The following SLC43A2 variants were observed in gnomAD, a reference collection of about 807,000 sequenced individuals.
The protein encoded by SLC43A2 is large neutral amino acids transporter small subunit 4.
In SLC43A2, 38 loss-of-function variants were observed where a neutral mutation model predicts 63.2. The observed-to-expected ratio is 0.60, with a 90% CI of 0.46 to 0.79. The LOEUF (loss-of-function observed/expected upper bound fraction) is 0.79, where lower values mean the gene tolerates loss of function less well. Among genes scored for constraint, SLC43A2 ranks in the 30% least tolerant of loss-of-function variants. SLC43A2 has a pLI of 0.00. For synonymous variants in SLC43A2, 322 were observed against 331.0 expected, an observed-to-expected ratio of 0.97 and a Z score of 0.30; for missense variants, 644 against 756.2, an observed-to-expected ratio of 0.85 and a Z score of 1.74.
chr17:1,615,798 G>C (rs911412694), intron 3 of SLC43A2, among the ~76,000 whole-genome samples: 2 of 146,998 alleles, frequency 1.4e-5, no homozygotes, highest in Non-Finnish European at 1.5e-5. Context: ...AGCCGAGATC[G>C]CGCCGCTGCA....
At position 1,583,563 on chromosome 17, in the gene SLC43A2, G is replaced by A; in HGVS notation, c.1218-227C>T. On this transcript the variant is annotated intron_variant, in intron 10 of 13. Coordinates refer to ENST00000301335, the MANE Select transcript of SLC43A2 (RefSeq NM_152346.3). This position sits in a 1 kb window ranked among gnomAD's most constrained non-coding sequence, Gnocchi z 5.5. ...CTCTCGGAGGGGGTCTCGGGTACAA[G>A]AAGATGGCCATCCATATGCTGCAGT... 2 of 617,712 alleles carry A rather than the reference G, an allele frequency of 3.2e-6. No homozygotes were observed. The highest frequency in any genetic ancestry group is 4.5e-5 in the South Asian group (2 of 44,666). The allele number at this position is 617,712 out of a possible 1,614,324, so 38.3% of individuals were successfully genotyped here.
At chr17:1,586,927 A>AGGC (rs2151038850) in intron 9 of SLC43A2, 8 of 1,355,890 alleles carry the variant, frequency 5.9e-6, no homozygotes, top group Non-Finnish European at 8.1e-6. Flanking sequence ...TTCCCTGACA[A>AGGC]TCCCCCCCAC....
chr17:1,579,959 G>A (rs544408482), intron 11 of SLC43A2, among the ~76,000 whole-genome samples: 1 of 151,194 alleles, frequency 6.6e-6, no homozygotes, highest in South Asian at 2.1e-4. Context: ...TGGAGACAGA[G>A]TCTTGCTGTG....
At position 1,583,231 on chromosome 17, in the gene SLC43A2, G is replaced by C. The variant is rs1252816506; in HGVS notation, c.1323C>G (p.Thr441=). 2 of 1,614,148 alleles carry C rather than the reference G, an allele frequency of 1.2e-6. No individual in the cohort carries two copies. Among genetic ancestry groups the C allele is most frequent in the Admixed American group, 3.3e-5 (2 of 60,026 alleles). The stretch of plus-strand genomic sequence containing the variant: ...GGAGAGGCAGGTTGGGAATGAGGCA[G>C]GTCACCCCAAAGCCCACGAGCAGCA... ...TNLLLVGFGV[T]CLIPNLPLQI... The change falls in exon 11 of 14, where the codon ACC becomes ACG. Residue 441 remains threonine, a synonymous_variant. Coordinates refer to ENST00000301335, the MANE Select transcript of SLC43A2 (RefSeq NM_152346.3). This position sits in a 1 kb window ranked among gnomAD's most constrained non-coding sequence, Gnocchi z 5.5.
intron 5 of SLC43A2, among the ~76,000 whole-genome samples, chr17:1,599,203 G>A (rs1166577933): frequency 6.6e-6 from 1 of 151,914 alleles, no homozygotes; most frequent in Non-Finnish European, 1.5e-5. Context: ...AGCCGGGTGT[G>A]GCGGCGTGCA....
At chr17:1,591,726 G>GGA in intron 6 of SLC43A2, 27 bp from the exon 7 acceptor site, 1 of 1,000,374 alleles carries the variant, frequency 1.0e-6, no homozygotes, top group Non-Finnish European at 1.5e-6. Context: ...GGACGGGGTG[G>GGA]GGGGGGGAGG....
rs2075937176 is a variant in SLC43A2, at chr17:1,576,667, G to A, written c.1478C>T (p.Ala493Val). ...CGGCTGCTGCAGAAGGGCGAAGAGC[G>A]CGCTGATCAGAGACTGCAGTCCCGT... Reference protein sequence around the residue: ...SLTGLQSLISALFALLQQPLF... With the variant: ...SLTGLQSLISVLFALLQQPLF... The change falls in exon 13 of 14, where the codon GCG (alanine) becomes GTG (valine). Residue 493 changes from alanine (A) to valine (V), a missense_variant. Around this residue, in one of 3 missense-constraint regions of SLC43A2, gnomAD observed 105 missense variants for 101.7 expected, o/e 1.03. Coordinates refer to ENST00000301335, the MANE Select transcript of SLC43A2 (RefSeq NM_152346.3). 1.9e-6 allele frequency: 3 copies of A among 1,611,014 alleles called. No homozygotes were observed. The highest frequency in any genetic ancestry group is 2.5e-6 in the Non-Finnish European group (3 of 1,179,996).
intron 11 of SLC43A2, among the ~76,000 whole-genome samples, chr17:1,580,637 C>T (rs2075997707): frequency 6.6e-6 from 1 of 152,064 alleles, no homozygotes; most frequent in South Asian, 2.1e-4. Context: ...TCTCGGCTCA[C>T]TGCAACCTCT....
In SLC43A2 at chr17:1,594,847, C is replaced by T. The variant is rs375235238; in HGVS notation, c.502-1568G>A. On this transcript the variant is annotated intron_variant, in intron 5 of 13. Transcript: ENST00000301335. The stretch of plus-strand genomic sequence containing the variant: ...TCGTGATCCGCCCGCCTTGGCCTCC[C>T]AAAGTGCTGGGATTACAGGCGTGAG... Among the ~76,000 whole-genome samples, 5 of 151,962 alleles carry T rather than the reference C, an allele frequency of 3.3e-5. No individual in the cohort carries two copies. In the East Asian group the frequency reaches 7.8e-4, roughly 24 times the overall value.
intron 4 of SLC43A2, 128 bp downstream of exon 4, chr17:1,614,851 G>T: frequency 1.1e-6 from 1 of 884,616 alleles, no homozygotes; most frequent in Non-Finnish European, 1.8e-6. Flanking sequence ...AGGCGTAACA[G>T]GTGTCCCCTC....
chr17:1,621,469 G>T (rs1342308152), intron 2 of SLC43A2, among the ~76,000 whole-genome samples: 1 of 152,084 alleles, frequency 6.6e-6, no homozygotes, highest in Admixed American at 6.5e-5. Context: ...ACAGGAAGCA[G>T]CATCTCAGTC....
Position 1,577,554 on chromosome 17 carries a change from G to A in SLC43A2, c.1424+696C>T, listed in dbSNP as rs1224745387. ...GGAGAGAGTTCCGGGCTAAATCTTA[G>A]CACATGTCAGGCTCTGCTGGCCCAG... On this transcript the variant is annotated intron_variant, in intron 12 of 13. Transcript: ENST00000301335. The surrounding 1 kb of genome is among the most constrained non-coding windows in gnomAD (Gnocchi z 4.9). Among the ~76,000 whole-genome samples the A allele has an allele frequency of 6.6e-6, 1 of 152,196 alleles. No homozygotes were observed. Among genetic ancestry groups the A allele is most frequent in the Non-Finnish European group, 1.5e-5 (1 of 68,034 alleles).
chr17:1,583,926 C>T lies in SLC43A2; in HGVS notation c.1218-590G>A, dbSNP rs372414367. Among the ~76,000 whole-genome samples the T allele has an allele frequency of 5.9e-5, 9 of 151,834 alleles. No individual in the cohort carries two copies. The East Asian group carries it at 1.7e-3, about 29-fold the overall frequency. ...TGGGTTTTTTTTTGAGATGGAGTCT[C>T]GCTCTGTCACCCGGGCTGGAGTGCA... is the stretch of plus-strand genomic sequence containing the variant. On this transcript the variant is annotated intron_variant, in intron 10 of 13. Coordinates refer to ENST00000301335, the MANE Select transcript of SLC43A2 (RefSeq NM_152346.3). The surrounding 1 kb of genome is among the most constrained non-coding windows in gnomAD (Gnocchi z 5.5).
At position 1,576,659 on chromosome 17, in the gene SLC43A2, C is replaced by T. The variant is rs761852688; in HGVS notation, c.1486G>A (p.Ala496Thr). The T allele has an allele frequency of 9.9e-6, 16 of 1,610,702 alleles. No individual in the cohort carries two copies. In the East Asian group the frequency reaches 1.1e-4, roughly 11 times the overall value. The stretch of plus-strand genomic sequence containing the variant: ...AGAAACAGCGGCTGCTGCAGAAGGG[C>T]GAAGAGCGCGCTGATCAGAGACTGC... ...GLQSLISALF[A>T]LLQQPLFLAM... The change falls in exon 13 of 14, where the codon GCC (alanine) becomes ACC (threonine). Residue 496 changes from alanine (A) to threonine (T), a missense_variant. Ala to Thr is a moderately conservative substitution (Grantham distance 58, BLOSUM62 0). Around this residue, in one of 3 missense-constraint regions of SLC43A2, gnomAD observed 105 missense variants for 101.7 expected, o/e 1.03. Transcript: ENST00000301335.
At chr17:1,612,224 A>G (rs1430599862) in intron 5 of SLC43A2, among the ~76,000 whole-genome samples, 4 of 152,100 alleles carry the variant, frequency 2.6e-5, no homozygotes, top group Non-Finnish European at 5.9e-5. Context: ...TCAGTCTCCC[A>G]AAGTGCTGGG....
At chr17:1,622,355 A>G (rs747269811) in intron 2 of SLC43A2, among the ~76,000 whole-genome samples, 14 of 150,380 alleles carry the variant, frequency 9.3e-5, no homozygotes, top group Non-Finnish European at 1.8e-4. Flanking sequence ...CGAGGTCAGG[A>G]GATCAAGACC....
intron 5 of SLC43A2, among the ~76,000 whole-genome samples, chr17:1,601,599 T>C (rs536118358): frequency 6.6e-6 from 1 of 151,652 alleles, no homozygotes; most frequent in East Asian, 1.9e-4. Flanking sequence ...GCAAAGGCGC[T>C]ACTGAGCCAG....
At chr17:1,576,106 A>T (rs1360894823) in intron 13 of SLC43A2, among the ~76,000 whole-genome samples, 1 of 129,978 alleles carries the variant, frequency 7.7e-6, no homozygotes, top group Non-Finnish European at 1.6e-5. Flanking sequence ...TTTGAGACGA[A>T]GTCTCGCGCT....
intron 2 of SLC43A2, among the ~76,000 whole-genome samples, chr17:1,623,864 A>G (rs967468940): frequency 1.5e-5 from 2 of 133,472 alleles, no homozygotes; most frequent in Admixed American, 7.6e-5. Flanking sequence ...TCCAGGGTGT[A>G]CCCTCCTCTC....
Sources: allele counts gnomAD v4.1 joint callset (sites outside exome capture counted in the v4.1 genomes callset), GRCh38; gene constraint gnomAD v4.1.1; regional missense constraint gnomAD v4.1.1; non-coding constraint Gnocchi (gnomAD v3.1); transcripts MANE v1.5; gene names NCBI Gene and HGNC (gene_info 2026-07-23, HGNC 2026-07-21).